SYNE1: variants seen among roughly 807,000 people sequenced by gnomAD.
SYNE1 encodes nesprin-1.
SYNE1 carries 616 observed loss-of-function variants against 1,111.0 expected under a neutral mutation model. That is an observed-to-expected ratio of 0.55 (90% CI 0.52 to 0.59). SYNE1 has a LOEUF of 0.59. Among genes scored for constraint, SYNE1 ranks in the 20% least tolerant of loss-of-function variants. The pLI is 0.00. For synonymous variants in SYNE1, 3,855 were observed against 3,825.8 expected, an observed-to-expected ratio of 1.01 and a Z score of -0.28; for missense variants, 10,006 against 10,417.0, an observed-to-expected ratio of 0.96 and a Z score of 1.72.
At chr6:152,590,953 T>C (rs1380255909) in intron 3 of SYNE1, among the ~76,000 whole-genome samples, 2 of 152,234 alleles carry the variant, frequency 1.3e-5, no homozygotes, top group East Asian at 3.8e-4. Flanking sequence ...AAGAATAGCA[T>C]TGAATCTCTC....
intron 64 of SYNE1, among the ~76,000 whole-genome samples, chr6:152,360,571 T>C (rs556634810): frequency 2.6e-5 from 4 of 152,176 alleles, no homozygotes; most frequent in Non-Finnish European, 5.9e-5. Flanking sequence ...TATTCAGCAG[T>C]TAAAATTATT....
Position 152,148,246 on chromosome 6 carries a change from G to C in SYNE1, c.24775C>G (p.Leu8259Val). The C allele has an allele frequency of 1.2e-6, 2 of 1,613,786 alleles. No individual in the cohort carries two copies. The highest frequency in any genetic ancestry group is 3.3e-5 in the Admixed American group (2 of 60,020). ...LSPQPSSNLSLSLAQPLRSER... is the reference protein window; with the variant it reads ...LSPQPSSNLSVSLAQPLRSER... ...CTCCGGAGGGGCTGAGCGAGCGAGA[G>C]GGAGAGATTGGAGGAAGGCTGTGGA... The change falls in exon 137 of 146, where the codon CTC (leucine) becomes GTC (valine). Residue 8259 changes from leucine (L) to valine (V), a missense_variant. This residue lies in a region of SYNE1 where 761 missense variants were observed against 795.5 expected (regional missense o/e 0.96). Transcript: ENST00000367255. This position sits in a 1 kb window ranked among gnomAD's most constrained non-coding sequence, Gnocchi z 4.1.
rs146833210 is a variant in SYNE1 at position 152,286,368 on chromosome 6, T to C, written c.18013-2196A>G. Among the ~76,000 whole-genome samples, 940 of 152,268 alleles carry C rather than the reference T, an allele frequency of 6.2e-3. 7 individuals carry two copies. Among genetic ancestry groups the C allele is most frequent in the African/African-American group, 0.022 (896 of 41,546 alleles). ...GACTTTGGCCCTTATTTGAGCTTTA[T>C]AGAAATGGAGTCATACACGATGCAC... is the stretch of plus-strand genomic sequence containing the variant. On this transcript the variant is annotated intron_variant, in intron 95 of 145. Coordinates refer to ENST00000367255, the MANE Select transcript of SYNE1 (RefSeq NM_182961.4).
intron 130 of SYNE1, among the ~76,000 whole-genome samples, chr6:152,168,928 T>A (rs2064379855): frequency 6.6e-6 from 1 of 152,106 alleles, no homozygotes; most frequent in Non-Finnish European, 1.5e-5. Context: ...GCTCAGGGGG[T>A]CTTCAGGTAA....
At position 152,471,636 on chromosome 6, in the gene SYNE1, C is replaced by T. The variant is rs1475784094; in HGVS notation, c.1593G>A (p.Gly531=). 1 of 1,613,984 alleles carries T rather than the reference C, an allele frequency of 6.2e-7. No homozygotes were observed. The part of the protein sequence containing the change: ...SKLKSWIIKY[G]RRESVEQLLQ... The stretch of plus-strand genomic sequence containing the variant: ...GAAGCTGCTCCACTGACTCTCTCCT[C>T]CCGTACTTAATGATCCAAGACTTCA... Residue 531 remains glycine, a synonymous_variant, in exon 16 of 146, where the codon GGG becomes GGA. Coordinates refer to ENST00000367255, the MANE Select transcript of SYNE1 (RefSeq NM_182961.4).
At chr6:152,242,198 T>C in intron 107 of SYNE1, 42 bp downstream of exon 107, 1 of 1,536,056 alleles carries the variant, frequency 6.5e-7, no homozygotes, top group Non-Finnish European at 9.0e-7. Context: ...GAGCATGCTT[T>C]CCAATTACAT....
chr6:152,256,431 AAAAT>A lies in SYNE1; in HGVS notation c.19104+199_19104+202del, dbSNP rs3038206. Reference sequence around the variant, plus strand: ...GGTGACAGAGTGAGACTCGGTCTAAAAAATAAATAAATAAATAAATAAATAAATA... The same window carrying A: ...GGTGACAGAGTGAGACTCGGTCTAAAAAATAAATAAATAAATAAATAAATA... On this transcript the variant is annotated intron_variant, in intron 102 of 145. Coordinates refer to ENST00000367255, the MANE Select transcript of SYNE1 (RefSeq NM_182961.4). 0.02 allele frequency among the ~76,000 whole-genome samples: 2,926 copies of A among 147,054 alleles called. 90 individuals carry two copies. The highest frequency in any genetic ancestry group is 0.07 in the African/African-American group (2,736 of 39,312).
rs766497139 is a variant in SYNE1 at position 152,281,875 on chromosome 6, T to G, written c.18313A>C (p.Thr6105Pro). Reference sequence around the variant, plus strand: ...GGTGGACTCAGCGCAGTGTCCAGAGTGGCCTTGGTACTCAAGAGCCAGCTG... The same window carrying G: ...GGTGGACTCAGCGCAGTGTCCAGAGGGGCCTTGGTACTCAAGAGCCAGCTG... ...LDSWLLSTKA[T>P]LDTALSPPKE... The change falls in exon 97 of 146, where the codon ACT (threonine) becomes CCT (proline). Residue 6105 changes from threonine to proline, a missense_variant. By Grantham distance (38) the Thr-to-Pro change is conservative. Coordinates refer to ENST00000367255, the MANE Select transcript of SYNE1 (RefSeq NM_182961.4). 6.2e-7 allele frequency: 1 copy of G among 1,614,012 alleles called. No individual in the cohort carries two copies. The highest frequency in any genetic ancestry group is 8.5e-7 in the Non-Finnish European group (1 of 1,180,034).
At chr6:152,425,621 G>C (rs1368554433) in intron 38 of SYNE1, 74 bp from the exon 39 acceptor site, 1 of 1,563,712 alleles carries the variant, frequency 6.4e-7, no homozygotes, top group Non-Finnish European at 8.8e-7. Flanking sequence ...ACAGGCGGCT[G>C]TTGTCCAAAG....
chr6:152,213,057 C>A (rs1222064139), intron 123 of SYNE1, among the ~76,000 whole-genome samples: 1 of 152,086 alleles, frequency 6.6e-6, no homozygotes. Context: ...TAACAGTGGG[C>A]AAATTTATTA....
intron 95 of SYNE1, among the ~76,000 whole-genome samples, chr6:152,287,255 A>C (rs541619239): frequency 1.3e-5 from 2 of 152,318 alleles, no homozygotes; most frequent in African/African-American, 4.8e-5. Context: ...TCCAGTGTAG[A>C]AAGAGGTGAA....
Position 152,358,440 on chromosome 6 carries a change from T to G in SYNE1, c.10541A>C (p.Lys3514Thr). 6.2e-7 allele frequency: 1 copy of G among 1,614,222 alleles called. No homozygotes were observed. The highest frequency in any genetic ancestry group is 1.1e-5 in the South Asian group (1 of 91,086). Residue 3514 changes from lysine to threonine, a missense_variant, in exon 66 of 146, where the codon AAG becomes ACG. By Grantham distance (78) the Lys-to-Thr change is moderately conservative. Transcript: ENST00000367255. ...TTCAAGAACTGAATACTGGTCGAGC[T>G]TTTCTTGTTCTTGCCCCAACCAAAC... is the stretch of plus-strand genomic sequence containing the variant. ...FEVWLGQEQE[K>T]LDQYSVLEGD...
chr6:152,437,666 T>C (rs1025732816), intron 32 of SYNE1, among the ~76,000 whole-genome samples: 2 of 152,188 alleles, frequency 1.3e-5, no homozygotes, highest in African/African-American at 4.8e-5. Context: ...AATGCTGAAT[T>C]AGAAAAGGTA....
rs1303463805 is a variant in SYNE1 at position 152,208,215 on chromosome 6, GAAATAATTA to G, written c.22590-18_22590-10del. 1 of 1,611,900 alleles carries G rather than the reference GAAATAATTA, an allele frequency of 6.2e-7. No homozygotes were observed. The highest frequency in any genetic ancestry group is 8.5e-7 in the Non-Finnish European group (1 of 1,178,402). On this transcript the variant is annotated splice_polypyrimidine_tract_variant and intron_variant, in intron 124 of 145. Transcript: ENST00000367255. ...TCAGGTTGAATTCATCCCTAGTGAAGAAATAATTACATGGTAAAAAAGCACTGTTATCTT... is the reference window on the plus strand; with the variant it reads ...TCAGGTTGAATTCATCCCTAGTGAAGCATGGTAAAAAAGCACTGTTATCTT...
intron 42 of SYNE1, among the ~76,000 whole-genome samples, chr6:152,412,559 G>A (rs929695912): frequency 6.6e-6 from 1 of 152,180 alleles, no homozygotes; most frequent in Non-Finnish European, 1.5e-5. Flanking sequence ...TATAGATGTG[G>A]AAAACTGCTT....
At chr6:152,336,507 A>G in intron 76 of SYNE1, 1 of 366,536 alleles carries the variant, frequency 2.7e-6, no homozygotes, top group Non-Finnish European at 5.2e-6. Flanking sequence ...TAGTTAGATT[A>G]TCATAAGGAG....
chr6:152,235,363 C>T (rs183336757), intron 110 of SYNE1, among the ~76,000 whole-genome samples: 1 of 152,200 alleles, frequency 6.6e-6, no homozygotes, highest in Admixed American at 6.5e-5. Flanking sequence ...GGACTTTCTA[C>T]TTTTCTTTTG....
At chr6:152,373,363 T>C in intron 58 of SYNE1, 144 bp from the exon 59 acceptor site, 1 of 737,554 alleles carries the variant, frequency 1.4e-6, no homozygotes, top group Non-Finnish European at 2.1e-6. Flanking sequence ...CACTGCAGCC[T>C]CCGTCTTCTG....
At chr6:152,215,536 G>A (rs2078426781) in intron 121 of SYNE1, among the ~76,000 whole-genome samples, 1 of 152,020 alleles carries the variant, frequency 6.6e-6, no homozygotes, top group South Asian at 2.1e-4. Context: ...AACTGATTAA[G>A]GATGAAAATT....
Sources: allele counts gnomAD v4.1 joint callset (sites outside exome capture counted in the v4.1 genomes callset), GRCh38; gene constraint gnomAD v4.1.1; regional missense constraint gnomAD v4.1.1; non-coding constraint Gnocchi (gnomAD v3.1); transcripts MANE v1.5; gene names NCBI Gene and HGNC (gene_info 2026-07-23, HGNC 2026-07-21).